The following RBFOX1 variants were observed in gnomAD, a reference collection of about 807,000 sequenced individuals.
The protein encoded by RBFOX1 is RNA binding fox-1 homolog 1.
RBFOX1 carries 8 observed loss-of-function variants against 57.7 expected under a neutral mutation model. The ratio of observed to expected loss-of-function variants is 0.14; its 90% CI spans 0.08 to 0.25. The LOEUF (loss-of-function observed/expected upper bound fraction) is 0.25. RBFOX1 is among the 10% of genes least tolerant of loss of function. The pLI is 1.00. For synonymous variants in RBFOX1, 326 were observed against 222.4 expected, an observed-to-expected ratio of 1.47 and a Z score of -4.15; for missense variants, 611 against 548.5, an observed-to-expected ratio of 1.11 and a Z score of -1.14.
At chr16:7,295,361 AAAG>A (rs1242280684) in intron 4 of RBFOX1, among the ~76,000 whole-genome samples, 4 of 152,194 alleles carry the variant, frequency 2.6e-5, no homozygotes, top group Non-Finnish European at 4.4e-5. Flanking sequence ...ATTTTTTTGC[AAAG>A]AAGGAGGAAT....
intron 4 of RBFOX1, among the ~76,000 whole-genome samples, chr16:7,064,497 T>C (rs1295409656): frequency 1.3e-5 from 2 of 151,788 alleles, no homozygotes; most frequent in Admixed American, 1.3e-4. Context: ...AAGAGGAGAT[T>C]AGGACATAGA....
At chr16:5,971,450 T>C (rs1291752867) in intron 4 of RBFOX1, among the ~76,000 whole-genome samples, 1 of 152,152 alleles carries the variant, frequency 6.6e-6, no homozygotes, top group Non-Finnish European at 1.5e-5. Flanking sequence ...TTTGTTTTTG[T>C]TTTTTTCCCC....
At chr16:5,573,292 G>A (rs753302011) in intron 2 of RBFOX1, among the ~76,000 whole-genome samples, 2 of 152,172 alleles carry the variant, frequency 1.3e-5, no homozygotes, top group Non-Finnish European at 2.9e-5. Flanking sequence ...CCACGGCCTC[G>A]GGTGGGAGGT....
At chr16:6,878,238 G>A (rs1360978421) in intron 3 of RBFOX1, among the ~76,000 whole-genome samples, 1 of 152,178 alleles carries the variant, frequency 6.6e-6, no homozygotes, top group Non-Finnish European at 1.5e-5. Context: ...TTTCTTCCCT[G>A]CTGAGCACTG....
intron 1 of RBFOX1, among the ~76,000 whole-genome samples, chr16:6,148,767 GC>G (rs2096777157): frequency 6.6e-6 from 1 of 152,192 alleles, no homozygotes; most frequent in Admixed American, 6.5e-5. Flanking sequence ...GAGAAAGATT[GC>G]CTATCAATTA....
intron 1 of RBFOX1, among the ~76,000 whole-genome samples, chr16:6,231,511 T>A (rs1280030508): frequency 6.6e-6 from 1 of 152,190 alleles, no homozygotes; most frequent in African/African-American, 2.4e-5. Context: ...AGATTTGGCT[T>A]CTCATGTTGG....
At chr16:5,583,022 A>G (rs563964347) in intron 2 of RBFOX1, among the ~76,000 whole-genome samples, 81 of 152,300 alleles carry the variant, frequency 5.3e-4, no homozygotes, top group African/African-American at 1.8e-3. Context: ...TTTTTAACAG[A>G]TAAGGAAACT....
intron 4 of RBFOX1, among the ~76,000 whole-genome samples, chr16:7,202,383 G>T (rs6500922): frequency 0.63 from 95,645 of 151,544 alleles, 31,515 homozygotes; most frequent in African/African-American, 0.83. Flanking sequence ...TGGGTAGGAA[G>T]GTAAAATAGT....
At chr16:7,188,540 T>C (rs1180254429) in intron 4 of RBFOX1, among the ~76,000 whole-genome samples, 1 of 152,162 alleles carries the variant, frequency 6.6e-6, no homozygotes, top group Non-Finnish European at 1.5e-5. Context: ...GCACCTTTTC[T>C]CCCCATCACC....
chr16:6,585,272 G>T (rs1296057356), intron 2 of RBFOX1, among the ~76,000 whole-genome samples: 1 of 152,132 alleles, frequency 6.6e-6, no homozygotes, highest in Non-Finnish European at 1.5e-5. Context: ...TCGTCATGTA[G>T]GTGTGAAACA....
intron 4 of RBFOX1, among the ~76,000 whole-genome samples, chr16:7,077,595 A>C (rs2058508679): frequency 6.6e-6 from 1 of 152,204 alleles, no homozygotes; most frequent in South Asian, 2.1e-4. Flanking sequence ...TTCCTCAGCA[A>C]ATGTTCAGTA....
intron 3 of RBFOX1, among the ~76,000 whole-genome samples, chr16:6,954,162 G>A (rs2081307127): frequency 6.6e-6 from 1 of 152,116 alleles, no homozygotes; most frequent in Non-Finnish European, 1.5e-5. Context: ...TAGTGGTTTT[G>A]ATTTATTTTG....
intron 1 of RBFOX1, among the ~76,000 whole-genome samples, chr16:6,197,561 T>C (rs111829466): frequency 4.0e-5 from 6 of 151,884 alleles, no homozygotes; most frequent in African/African-American, 1.2e-4. Flanking sequence ...TGCTTCTGTT[T>C]CCCGCAAAGA....
At chr16:5,385,108 A>G (rs1407570854) in intron 1 of RBFOX1, among the ~76,000 whole-genome samples, 2 of 152,178 alleles carry the variant, frequency 1.3e-5, no homozygotes, top group Non-Finnish European at 2.9e-5. Flanking sequence ...AGTAATTATT[A>G]TTGTGGCAAA....
rs536068150 is a variant in RBFOX1, at chr16:6,526,128, T to C, written c.-63-128475T>C. 6.6e-5 allele frequency among the ~76,000 whole-genome samples: 10 copies of C among 152,324 alleles called. No homozygotes were observed. In the East Asian group the frequency reaches 1.9e-3, roughly 29 times the overall value. On this transcript the variant is annotated intron_variant, in intron 2 of 15. Coordinates refer to ENST00000550418, the MANE Select transcript of RBFOX1 (RefSeq NM_018723.4). ...AAGATAAAGTGAGTCATGGAATCTT[T>C]ACTTGAAATGCAATTCAATAAACAT...
rs766300841 is a variant in RBFOX1 at position 7,653,892 on chromosome 16, G to A, written c.835G>A (p.Val279Met). 5 of 1,600,334 alleles carry A rather than the reference G, an allele frequency of 3.1e-6. No homozygotes were observed. Among genetic ancestry groups the A allele is most frequent in the African/African-American group, 2.7e-5 (2 of 74,810 alleles). ...GCACCTGCGAGGCCGCGGTCGCACC[G>A]TGTACAACACCTTCAGGGCCGCGGC... The part of the protein sequence containing the change: ...GAHLRGRGRT[V>M]YNTFRAAAPP... The change falls in exon 12 of 16, where the codon GTG (valine) becomes ATG (methionine). Residue 279 changes from valine to methionine, a missense_variant. Transcript: ENST00000550418.
chr16:7,293,487 A>G (rs940732921), intron 4 of RBFOX1, among the ~76,000 whole-genome samples: 1 of 152,126 alleles, frequency 6.6e-6, no homozygotes, highest in Admixed American at 6.6e-5. Flanking sequence ...CTGCTCATAC[A>G]TGCATCATTT....
At chr16:5,802,940 T>C (rs1597316343) in intron 3 of RBFOX1, among the ~76,000 whole-genome samples, 1 of 152,344 alleles carries the variant, frequency 6.6e-6, no homozygotes, top group Middle Eastern at 3.4e-3. Context: ...GGCAATATGC[T>C]TGTCTTGAAC....
chr16:5,556,891 C>G (rs955602704), intron 2 of RBFOX1, among the ~76,000 whole-genome samples: 1 of 152,186 alleles, frequency 6.6e-6, no homozygotes. Flanking sequence ...TTTATAGGCT[C>G]TGGGGATTTC....
Sources: gnomAD v4.1 joint callset for allele counts (sites outside exome capture counted in the v4.1 genomes callset) on GRCh38, gnomAD v4.1.1 for gene constraint, MANE v1.5 for transcripts, NCBI Gene and HGNC (gene_info 2026-07-23, HGNC 2026-07-21) for gene names.